The following TCTN2 variants were observed in gnomAD, a reference collection of about 807,000 sequenced individuals.
TCTN2 encodes tectonic family member 2.
TCTN2 carries 66 observed loss-of-function variants against 83.4 expected under a neutral mutation model. The observed-to-expected ratio is 0.79, with a 90% CI of 0.65 to 0.97. The LOEUF is 0.97. Ranked by LOEUF, TCTN2 falls within the 50% of genes least tolerant of loss-of-function variation. The probability of loss-of-function intolerance (pLI) is 0.00; values close to 1 mark genes in which losing one functional copy is unlikely to be tolerated. For synonymous variants in TCTN2, 301 were observed against 326.7 expected, an observed-to-expected ratio of 0.92 and a Z score of 0.85; for missense variants, 794 against 858.1, an observed-to-expected ratio of 0.93 and a Z score of 0.93.
chr12:123,691,925 G>T (rs11833604), intron 8 of TCTN2, among the ~76,000 whole-genome samples: 1 of 147,360 alleles, frequency 6.8e-6, no homozygotes, highest in Non-Finnish European at 1.5e-5. Flanking sequence ...ACCAAGTCTT[G>T]CTCTTGTCCG....
Position 123,707,954 on chromosome 12 carries a change from C to A in TCTN2, c.*241C>A. 1.9e-6 allele frequency: 1 copy of A among 515,766 alleles called. No homozygotes were observed. The highest frequency in any genetic ancestry group is 3.5e-6 in the Non-Finnish European group (1 of 284,980). 31.9% of individuals were successfully genotyped at this position (515,766 alleles called of 1,614,324 possible). A position where few individuals can be genotyped will look rare whatever the true frequency, so the allele number is the denominator to read the frequency against. On this transcript the variant is annotated 3_prime_UTR_variant, in exon 18 of 18. Coordinates refer to ENST00000303372, the MANE Select transcript of TCTN2 (RefSeq NM_024809.5). ...CGAACTCCTGACCTCATGATCCGCC[C>A]ATCTTGGCCTCCCAAAGTGCTGAGA...
At chr12:123,673,467 A>T (rs764488458) in intron 3 of TCTN2, 148 bp from the exon 4 acceptor site, 142 of 768,412 alleles carry the variant, frequency 1.8e-4, no homozygotes, top group Non-Finnish European at 2.9e-4. Context: ...ATGGGGGGGA[A>T]CTGAAGATAA....
rs371216376 is a variant in TCTN2 at position 123,687,875 on chromosome 12, A to G, written c.765-176A>G. ...CTTACTCGGGAGACTGAGGCACAAG[A>G]ATTGCTTGAACCTGGGAGGCGGAGG... On this transcript the variant is annotated intron_variant, in intron 6 of 17. Coordinates refer to ENST00000303372, the MANE Select transcript of TCTN2 (RefSeq NM_024809.5). Among the ~76,000 whole-genome samples, 9 of 151,766 alleles carry G rather than the reference A, an allele frequency of 5.9e-5. No homozygotes were observed. The South Asian group carries it at 1.5e-3, about 25-fold the overall frequency.
chr12:123,680,410 T>C (rs1322865779), intron 5 of TCTN2, among the ~76,000 whole-genome samples: 1 of 150,616 alleles, frequency 6.6e-6, no homozygotes, highest in Non-Finnish European at 1.5e-5. Flanking sequence ...TGAGACGGCC[T>C]CCTAAAGTGC....
At chr12:123,679,902 G>T (rs1206879150) in intron 5 of TCTN2, among the ~76,000 whole-genome samples, 3 of 151,204 alleles carry the variant, frequency 2.0e-5, no homozygotes, top group African/African-American at 7.3e-5. Flanking sequence ...ACCACGCCCA[G>T]CTAATTTTTT....
chr12:123,696,143 C>T (rs1282417785), intron 11 of TCTN2: 11 of 414,092 alleles, frequency 2.7e-5, no homozygotes, highest in Admixed American at 1.1e-4. Context: ...TACGCCTGGC[C>T]GACATGGTAT....
intron 9 of TCTN2, among the ~76,000 whole-genome samples, chr12:123,694,022 G>A (rs1387153764): frequency 4.0e-5 from 6 of 148,454 alleles, no homozygotes; most frequent in Non-Finnish European, 7.4e-5. Context: ...TTTTGAGACA[G>A]TCTCACTGTC....
intron 7 of TCTN2, among the ~76,000 whole-genome samples, chr12:123,688,785 C>T (rs917249761): frequency 1.6e-4 from 24 of 151,440 alleles, no homozygotes; most frequent in African/African-American, 5.4e-4. Context: ...GACAGAGTTT[C>T]GCTGTTTTTG....
intron 5 of TCTN2, among the ~76,000 whole-genome samples, chr12:123,685,874 C>T (rs1236505848): frequency 1.3e-5 from 2 of 151,142 alleles, no homozygotes; most frequent in Admixed American, 6.6e-5. Context: ...CAGATGTCCA[C>T]CACCATGCCT....
At chr12:123,673,409 T>G (rs1955779952) in intron 3 of TCTN2, among the ~76,000 whole-genome samples, 1 of 152,212 alleles carries the variant, frequency 6.6e-6, no homozygotes, top group Admixed American at 6.5e-5. Context: ...AGTTGTTTGC[T>G]TTTATGTTAA....
At chr12:123,676,914 A>C (rs1337890339) in intron 4 of TCTN2, among the ~76,000 whole-genome samples, 1 of 152,200 alleles carries the variant, frequency 6.6e-6, no homozygotes, top group East Asian at 1.9e-4. Flanking sequence ...CTCATGTACT[A>C]TGCCTGTAAT....
chr12:123,700,661 G>T (rs1308770589), intron 14 of TCTN2, among the ~76,000 whole-genome samples: 1 of 152,200 alleles, frequency 6.6e-6, no homozygotes, highest in Non-Finnish European at 1.5e-5. Flanking sequence ...TCGAACTCCT[G>T]ACCCCGTGAT....
At chr12:123,705,206 A>G (rs1040148601) in intron 15 of TCTN2, among the ~76,000 whole-genome samples, 3 of 131,722 alleles carry the variant, frequency 2.3e-5, no homozygotes, top group Non-Finnish European at 3.1e-5. Flanking sequence ...CTCCGTCTCC[A>G]GGCTGGAGTG....
intron 13 of TCTN2, among the ~76,000 whole-genome samples, chr12:123,699,155 A>ATTT (rs11438271): frequency 5.6e-5 from 8 of 141,800 alleles, no homozygotes; most frequent in Non-Finnish European, 6.1e-5. Context: ...AGTTACTAAC[A>ATTT]TTTTTTTTTT....
intron 4 of TCTN2, 123 bp downstream of exon 4, chr12:123,673,933 G>C: frequency 1.1e-6 from 1 of 891,850 alleles, no homozygotes; most frequent in Non-Finnish European, 1.8e-6. Context: ...GGAGGTTAAT[G>C]CTACAAATGA....
chr12:123,673,710 G>C lies in TCTN2; in HGVS notation c.363G>C (p.Gln121His). Residue 121 changes from glutamine (Q) to histidine (H), a missense_variant, in exon 4 of 18, where the codon CAG (glutamine) becomes CAC (histidine). Coordinates refer to ENST00000303372, the MANE Select transcript of TCTN2 (RefSeq NM_024809.5). The stretch of plus-strand genomic sequence containing the variant: ...TCTCAGAGTCCCCCTGTATCCTCCA[G>C]ACCCTTCTGGTTTCAGCATCTCATA... ...DSFSESPCIL[Q>H]TLLVSASHNS... 2 of 1,614,208 alleles carry C rather than the reference G, an allele frequency of 1.2e-6. No homozygotes were observed. The highest frequency in any genetic ancestry group is 1.7e-6 in the Non-Finnish European group (2 of 1,180,028).
intron 13 of TCTN2, among the ~76,000 whole-genome samples, chr12:123,698,717 C>A (rs550636899): frequency 3.9e-5 from 6 of 152,306 alleles, no homozygotes; most frequent in African/African-American, 9.6e-5. Context: ...AAGCATGAAC[C>A]ATTATGCCCG....
intron 5 of TCTN2, among the ~76,000 whole-genome samples, chr12:123,681,085 A>T (rs1302236247): frequency 6.6e-6 from 1 of 151,900 alleles, no homozygotes; most frequent in African/African-American, 2.4e-5. Context: ...CCTGGGCAAC[A>T]TGGCAAAACC....
intron 4 of TCTN2, among the ~76,000 whole-genome samples, chr12:123,674,535 T>C (rs2135817539): frequency 6.6e-6 from 1 of 152,344 alleles, no homozygotes; most frequent in South Asian, 2.1e-4. Flanking sequence ...CCCAAAGTGC[T>C]GGGATTACAG....
Sources: allele counts gnomAD v4.1 joint callset (sites outside exome capture counted in the v4.1 genomes callset), GRCh38; gene constraint gnomAD v4.1.1; transcripts MANE v1.5; gene names NCBI Gene and HGNC (gene_info 2026-07-23, HGNC 2026-07-21).